Variants in PLEKHG5 observed in about 807,000 individuals in gnomAD.
PLEKHG5 encodes pleckstrin homology domain-containing family G member 5.
A neutral mutation model predicts 103.8 loss-of-function variants in PLEKHG5; 52 were observed. The ratio of observed to expected loss-of-function variants is 0.50; its 90% CI spans 0.40 to 0.63. The LOEUF (loss-of-function observed/expected upper bound fraction) is 0.63. PLEKHG5 is among the 30% of genes least tolerant of loss of function. The pLI, the probability that PLEKHG5 is intolerant of heterozygous loss-of-function variation, is 0.00. For missense variants in PLEKHG5, 1,205 were observed against 1,347.6 expected (o/e 0.89, Z 1.66); for synonymous variants, 592 against 575.5 (o/e 1.03, Z -0.41).
At chr1:6,504,604 CT>C (rs1250396354) in intron 1 of PLEKHG5, among the ~76,000 whole-genome samples, 3 of 147,846 alleles carry the variant, frequency 2.0e-5, no homozygotes, top group Non-Finnish European at 4.5e-5. Context: ...GAGTCTCGCT[CT>C]GTCACCCATG....
At chr1:6,507,480 C>A (rs1231000881) in intron 1 of PLEKHG5, among the ~76,000 whole-genome samples, 1 of 152,196 alleles carries the variant, frequency 6.6e-6, no homozygotes, top group Non-Finnish European at 1.5e-5. Flanking sequence ...CTCTGTCTTA[C>A]CCCACCTGTG....
upstream of PLEKHG5, chr1:6,497,068 T>C (rs1240321534): frequency 6.7e-7 from 1 of 1,489,618 alleles, no homozygotes; most frequent in Admixed American, 2.2e-5. The surrounding 1 kb of genome is among the most constrained non-coding windows in gnomAD (Gnocchi z 6.1). Flanking sequence ...AAGCTGCCTC[T>C]CTTCCTGGGG....
In PLEKHG5 at chr1:6,490,559, C is replaced by A; in HGVS notation, c.-88+1078G>T. ...AGGGGGACGGGAGCCGCGGGACGGGCTCAGTCGACTCAGCGCAAACTGGGG... is the reference window on the plus strand; with the variant it reads ...AGGGGGACGGGAGCCGCGGGACGGGATCAGTCGACTCAGCGCAAACTGGGG... On this transcript the variant is annotated intron_variant, in intron 1 of 20. Coordinates refer to ENST00000377728, the MANE Select transcript of PLEKHG5 (RefSeq NM_020631.6). The surrounding 1 kb of genome is among the most constrained non-coding windows in gnomAD (Gnocchi z 8.0). The A allele has an allele frequency of 1.0e-6, 1 of 985,462 alleles. No homozygotes were observed. The highest frequency in any genetic ancestry group is 1.2e-6 in the Non-Finnish European group (1 of 830,004). 61.0% of individuals were successfully genotyped at this position (985,462 alleles called of 1,614,324 possible).
chr1:6,477,519 C>A lies in PLEKHG5; in HGVS notation c.43+10G>T. 6.2e-7 allele frequency: 1 copy of A among 1,610,752 alleles called. No homozygotes were observed. Among genetic ancestry groups the A allele is most frequent in the Non-Finnish European group, 8.5e-7 (1 of 1,179,888 alleles). ...CTGGGGGCCGAGCTGCGGCTCCCGC[C>A]TGTGCTCACCTTGTGGGGGAAGGTC... On this transcript the variant is annotated intron_variant, in intron 2 of 20. Transcript: ENST00000377728.
chr1:6,480,390 C>T (rs892855686), intron 1 of PLEKHG5, among the ~76,000 whole-genome samples: 25 of 151,800 alleles, frequency 1.6e-4, no homozygotes, highest in African/African-American at 4.3e-4. Context: ...ATTAGCCAGT[C>T]GTGGCAGCGT....
intron 2 of PLEKHG5, among the ~76,000 whole-genome samples, chr1:6,476,857 C>T (rs990301856): frequency 1.3e-5 from 2 of 151,942 alleles, no homozygotes; most frequent in Non-Finnish European, 2.9e-5. Flanking sequence ...GGGGTTCAAG[C>T]GATCCTTCCA....
intron 3 of PLEKHG5, 124 bp from the exon 4 acceptor site, chr1:6,475,646 T>G: frequency 3.4e-6 from 3 of 877,302 alleles, no homozygotes; most frequent in Non-Finnish European, 5.7e-6. Context: ...CCGCGTGGAT[T>G]CAACCCGGCC....
upstream of PLEKHG5, chr1:6,496,747 C>T (rs955832216): frequency 3.6e-6 from 2 of 558,004 alleles, no homozygotes; most frequent in African/African-American, 2.0e-5. Flanking sequence ...TTTGCAGAGC[C>T]CTTTTCTCCT....
At chr1:6,470,967 G>A (rs1557740812) in intron 13 of PLEKHG5, 23 bp downstream of exon 13, 1 of 1,285,996 alleles carries the variant, frequency 7.8e-7, no homozygotes, top group Non-Finnish European at 1.1e-6. Context: ...CTGCGCCCCC[G>A]CCCACGGCAC....
upstream of PLEKHG5, chr1:6,497,358 C>T: frequency 2.8e-6 from 3 of 1,075,438 alleles, no homozygotes; most frequent in Non-Finnish European, 3.5e-6. This position sits in a 1 kb window ranked among gnomAD's most constrained non-coding sequence, Gnocchi z 6.1. Context: ...GGGCGGGCGG[C>T]GGGCGGGGGC....
chr1:6,474,206 G>A, intron 6 of PLEKHG5, 42 bp from the exon 7 acceptor site: 1 of 1,607,906 alleles, frequency 6.2e-7, no homozygotes, highest in Non-Finnish European at 8.5e-7. Flanking sequence ...ACCCTGGTCT[G>A]GTGGAGGAGG....
At chr1:6,502,342 AG>A (rs1475169263) in intron 1 of PLEKHG5, among the ~76,000 whole-genome samples, 2 of 152,232 alleles carry the variant, frequency 1.3e-5, no homozygotes, top group African/African-American at 4.8e-5. Flanking sequence ...AGCTGCAGGG[AG>A]GGGCATGGAC....
intron 1 of PLEKHG5, among the ~76,000 whole-genome samples, chr1:6,519,258 G>A (rs1638709228): frequency 6.6e-6 from 1 of 152,184 alleles, no homozygotes; most frequent in Non-Finnish European, 1.5e-5. Context: ...AGGGCTTGGA[G>A]GGCTTAACTC....
At chr1:6,501,168 C>T (rs1265209576), upstream of PLEKHG5, among the ~76,000 whole-genome samples, 3 of 152,278 alleles carry the variant, frequency 2.0e-5, no homozygotes, top group Non-Finnish European at 2.9e-5. This position sits in a 1 kb window ranked among gnomAD's most constrained non-coding sequence, Gnocchi z 4.3. Context: ...GTGTCTGCCT[C>T]GGATCAGCAC....
At chr1:6,509,527 C>T (rs555004972) in intron 1 of PLEKHG5, among the ~76,000 whole-genome samples, 1 of 152,306 alleles carries the variant, frequency 6.6e-6, no homozygotes, top group South Asian at 2.1e-4. Flanking sequence ...GGCCATCGAC[C>T]CCCACGCCAG....
chr1:6,501,251 G>A (rs1645294140), upstream of PLEKHG5, among the ~76,000 whole-genome samples: 1 of 151,960 alleles, frequency 6.6e-6, no homozygotes, highest in Non-Finnish European at 1.5e-5. The surrounding 1 kb of genome is among the most constrained non-coding windows in gnomAD (Gnocchi z 4.3). Flanking sequence ...CTACTTGCCG[G>A]ACACAACTGA....
At chr1:6,512,802 G>C (rs958539506) in intron 1 of PLEKHG5, among the ~76,000 whole-genome samples, 1 of 152,140 alleles carries the variant, frequency 6.6e-6, no homozygotes, top group Non-Finnish European at 1.5e-5. Flanking sequence ...TCAAATCCCA[G>C]CTCCAGCTCC....
At chr1:6,471,684 A>T (rs750820256) in intron 11 of PLEKHG5, 47 bp from the exon 12 acceptor site, 1 of 1,572,772 alleles carries the variant, frequency 6.4e-7, no homozygotes, top group Non-Finnish European at 8.6e-7. Flanking sequence ...CCGCCAGGTT[A>T]GCCCCGCCCC....
In PLEKHG5 at chr1:6,468,267, G is replaced by T. The variant is rs193245630; in HGVS notation, c.2569C>A (p.Arg857Ser). Residue 857 changes from arginine to serine, a missense_variant, in exon 20 of 21, where the codon CGT becomes AGT. Arg to Ser is a moderately radical substitution (Grantham distance 110, BLOSUM62 -1). Transcript: ENST00000377728. ...TGGACAGGGGTGCGGCGGCGGAGAC[G>T]GGGCGAGGGTGGAGGGGAAGGAACT... The part of the protein sequence containing the change: ...PRVPSPPPSP[R>S]LRRRTPVQLL... 3.1e-6 allele frequency: 5 copies of T among 1,605,188 alleles called. No homozygotes were observed. The Admixed American group carries it at 8.4e-5, about 27-fold the overall frequency.
Sources: gnomAD v4.1 joint callset for allele counts (sites outside exome capture counted in the v4.1 genomes callset) on GRCh38, gnomAD v4.1.1 for gene constraint, Gnocchi (gnomAD v3.1) non-coding constraint, MANE v1.5 for transcripts, NCBI Gene and HGNC (gene_info 2026-07-23, HGNC 2026-07-21) for gene names.